The following ANK1 variants were observed in gnomAD, a reference collection of about 807,000 sequenced individuals.
The protein encoded by ANK1 is ankyrin-1.
A neutral mutation model predicts 210.4 loss-of-function variants in ANK1; 51 were observed. The observed-to-expected ratio is 0.24, with a 90% confidence interval of 0.19 to 0.31. ANK1 has a LOEUF of 0.31. ANK1 is among the 10% of genes least tolerant of loss of function. The probability of loss-of-function intolerance (pLI) is 1.00; values close to 1 mark genes in which losing one functional copy is unlikely to be tolerated. For missense variants in ANK1, 2,051 were observed against 2,504.4 expected (o/e 0.82, Z 3.86); for synonymous variants, 967 against 1,025.9 (o/e 0.94, Z 1.10).
At chr8:41,885,481 G>C (rs1230832185) in intron 1 of ANK1, among the ~76,000 whole-genome samples, 1 of 152,216 alleles carries the variant, frequency 6.6e-6, no homozygotes, top group African/African-American at 2.4e-5. Context: ...TCAAGAACTT[G>C]GTAAAACACC....
intron 31 of ANK1, 89 bp downstream of exon 31, chr8:41,692,559 G>T: frequency 7.5e-7 from 1 of 1,326,376 alleles, no homozygotes. Context: ...TACAGAGGGA[G>T]GACTGCCTGC....
chr8:41,877,173 T>C (rs1414950985), intron 1 of ANK1, among the ~76,000 whole-genome samples: 1 of 152,232 alleles, frequency 6.6e-6, no homozygotes, highest in Admixed American at 6.5e-5. Context: ...ACTTCCACAC[T>C]GTCATAGAAG....
At chr8:41,696,957 G>A (rs1333765336) in intron 24 of ANK1, among the ~76,000 whole-genome samples, 184 bp from the exon 25 acceptor site, 2 of 152,188 alleles carry the variant, frequency 1.3e-5, no homozygotes, top group Non-Finnish European at 2.9e-5. Flanking sequence ...GGAAGCACGA[G>A]CTTCCTCCCA....
At chr8:41,893,415 G>C (rs1006837062) in intron 1 of ANK1, among the ~76,000 whole-genome samples, 1 of 152,178 alleles carries the variant, frequency 6.6e-6, no homozygotes, top group African/African-American at 2.4e-5. Flanking sequence ...GCTCCAGAGT[G>C]TAGCTCAGTT....
intron 39 of ANK1, among the ~76,000 whole-genome samples, chr8:41,667,876 T>C (rs1014823670): frequency 4.6e-5 from 7 of 152,154 alleles, no homozygotes; most frequent in Admixed American, 3.9e-4. Context: ...GTCACCCAGG[T>C]CACCATAGGA....
chr8:41,689,615 G>T (rs112502032), intron 33 of ANK1, among the ~76,000 whole-genome samples: 1 of 152,132 alleles, frequency 6.6e-6, no homozygotes, highest in South Asian at 2.1e-4. Flanking sequence ...GTCTGGAGAC[G>T]TATGATCCCT....
At chr8:41,895,178 G>A (rs60510614) in intron 1 of ANK1, among the ~76,000 whole-genome samples, 27,498 of 152,158 alleles carry the variant, frequency 0.18, 2,758 homozygotes, top group East Asian at 0.4. Flanking sequence ...TTCTCGGAAT[G>A]AGACAGTTTC....
chr8:41,864,205 A>T (rs986327766), intron 1 of ANK1, among the ~76,000 whole-genome samples: 1 of 147,682 alleles, frequency 6.8e-6, no homozygotes, highest in Non-Finnish European at 1.5e-5. Flanking sequence ...AGCCGAGATC[A>T]CGCCACTGCA....
chr8:41,677,253 C>A (rs1350563730), intron 37 of ANK1, among the ~76,000 whole-genome samples: 1 of 152,076 alleles, frequency 6.6e-6, no homozygotes. Flanking sequence ...CATAATCAGT[C>A]TGGCTAGAGG....
chr8:41,767,450 G>C (rs1285231240), intron 1 of ANK1, among the ~76,000 whole-genome samples: 3 of 151,706 alleles, frequency 2.0e-5, no homozygotes, highest in Admixed American at 6.6e-5. Context: ...TGGGCGGCGC[G>C]GGGAGCGCCA....
Position 41,696,448 on chromosome 8 carries a change from G to A in ANK1, c.2875C>T (p.Leu959Phe). 6.2e-7 allele frequency: 1 copy of A among 1,613,360 alleles called. No individual in the cohort carries two copies. The highest frequency in any genetic ancestry group is 8.5e-7 in the Non-Finnish European group (1 of 1,179,922). Residue 959 changes from leucine (L) to phenylalanine (F), a missense_variant, in exon 26 of 43, where the codon CTC becomes TTC. This residue lies in a region of ANK1 where 1,413 missense variants were observed against 1,707.4 expected (regional missense o/e 0.83). Coordinates refer to ENST00000289734, the MANE Select transcript of ANK1 (RefSeq NM_000037.4). ...ITCRLVKPQK[L>F]STPPPLAEEE... Reference sequence around the variant, plus strand: ...TCGGCCAGTGGGGGCGGCGTGCTGAGCTTCTGGGGCTTGACCAGGCGGCAG... The same window carrying A: ...TCGGCCAGTGGGGGCGGCGTGCTGAACTTCTGGGGCTTGACCAGGCGGCAG...
intron 2 of ANK1, among the ~76,000 whole-genome samples, chr8:41,753,022 G>A (rs546155241): frequency 6.6e-6 from 1 of 150,908 alleles, no homozygotes; most frequent in East Asian, 1.9e-4. Flanking sequence ...ATGCTGAAAC[G>A]CTCCACTCCT....
chr8:41,739,521 C>CTTTTTTTTTTTTTTT (rs71239075), intron 2 of ANK1, among the ~76,000 whole-genome samples: 7 of 116,114 alleles, frequency 6.0e-5, no homozygotes, highest in African/African-American at 1.6e-4. Context: ...TTTTTTCTTT[C>CTTTTTTTTTTTTTTT]TTTTTTTTTT....
chr8:41,830,086 A>G (rs1044153736), intron 1 of ANK1, among the ~76,000 whole-genome samples: 10 of 151,764 alleles, frequency 6.6e-5, no homozygotes, highest in African/African-American at 2.4e-4. Context: ...TGGTGAATCT[A>G]ATGTTGAGCC....
intron 1 of ANK1, among the ~76,000 whole-genome samples, chr8:41,871,987 T>C (rs1330984480): frequency 1.3e-5 from 2 of 152,186 alleles, no homozygotes; most frequent in Non-Finnish European, 2.9e-5. Context: ...ACACTCCAGA[T>C]GACAAGGCCG....
In ANK1 at chr8:41,719,819, G is replaced by C. The variant is rs1828788578; in HGVS notation, c.949C>G (p.His317Asp). ...AACAGGAGCCGGACACAGTCGAGGT[G>C]GTCTCCCTGAGCCGCCATGTGAATT... ...SPIHMAAQGDHLDCVRLLLQY... is the reference protein window; with the variant it reads ...SPIHMAAQGDDLDCVRLLLQY... Residue 317 changes from histidine (H) to aspartate (D), a missense_variant, in exon 10 of 43, where the codon CAC (histidine) becomes GAC (aspartate). Physicochemically the swap from His to Asp is moderately conservative, Grantham distance 81 (BLOSUM62 -1). Coordinates refer to ENST00000289734, the MANE Select transcript of ANK1 (RefSeq NM_000037.4). The C allele has an allele frequency of 6.2e-7, 1 of 1,614,120 alleles. No individual in the cohort carries two copies. The highest frequency in any genetic ancestry group is 1.7e-5 in the Admixed American group (1 of 60,012).
intron 1 of ANK1, among the ~76,000 whole-genome samples, chr8:41,852,112 C>G (rs1290268982): frequency 6.6e-6 from 1 of 152,148 alleles, no homozygotes; most frequent in African/African-American, 2.4e-5. Flanking sequence ...GCCCAGGATG[C>G]CTACCTAGGA....
chr8:41,885,399 T>G (rs1385858321), intron 1 of ANK1, among the ~76,000 whole-genome samples: 1 of 152,234 alleles, frequency 6.6e-6, no homozygotes, highest in Admixed American at 6.5e-5. Flanking sequence ...AGACAATATT[T>G]TTTTGAAAAG....
At chr8:41,808,837 G>C (rs12680139) in intron 1 of ANK1, among the ~76,000 whole-genome samples, 1 of 151,942 alleles carries the variant, frequency 6.6e-6, no homozygotes, top group African/African-American at 2.4e-5. Flanking sequence ...ATCTTTCCCA[G>C]ATAATTTTCT....
Sources: allele counts gnomAD v4.1 joint callset (sites outside exome capture counted in the v4.1 genomes callset), GRCh38; gene constraint gnomAD v4.1.1; regional missense constraint gnomAD v4.1.1; transcripts MANE v1.5; gene names NCBI Gene and HGNC (gene_info 2026-07-23, HGNC 2026-07-21).